Variants in FHOD3 observed in about 807,000 individuals in gnomAD.
FHOD3 encodes formin homology 2 domain containing 3, also known as FH1/FH2 domain-containing protein 3.
In FHOD3, 90 loss-of-function variants were observed where a neutral mutation model predicts 173.0. That is an observed-to-expected ratio of 0.52 (90% CI 0.44 to 0.62). The LOEUF (loss-of-function observed/expected upper bound fraction) is 0.62, where lower values mean the gene tolerates loss of function less well. Ranked by LOEUF, FHOD3 falls within the 20% of genes least tolerant of loss-of-function variation. FHOD3 has a pLI of 0.00. For synonymous variants in FHOD3, 828 were observed against 823.0 expected (o/e 1.01, Z -0.10); for missense variants, 1,945 against 2,034.7 (o/e 0.96, Z 0.85).
intron 1 of FHOD3, among the ~76,000 whole-genome samples, chr18:36,331,419 G>A (rs1207395196): frequency 2.6e-5 from 4 of 152,208 alleles, no homozygotes; most frequent in Admixed American, 2.0e-4. Context: ...GCTGGCCTGA[G>A]CTCCCCACTG....
chr18:36,740,512 G>A (rs1259127435), intron 20 of FHOD3, 144 bp from the exon 21 acceptor site: 2 of 836,196 alleles, frequency 2.4e-6, no homozygotes, highest in Non-Finnish European at 1.8e-6. Context: ...GTTGCTTCAA[G>A]TATATTTGGT....
At chr18:36,727,758 A>G (rs759299815) in intron 19 of FHOD3, among the ~76,000 whole-genome samples, 4 of 152,166 alleles carry the variant, frequency 2.6e-5, no homozygotes, top group Non-Finnish European at 5.9e-5. Flanking sequence ...TGCTTGCTAC[A>G]TGTGGACACT....
chr18:36,481,309 T>G (rs902421652), intron 3 of FHOD3, among the ~76,000 whole-genome samples: 1 of 152,098 alleles, frequency 6.6e-6, no homozygotes, highest in African/African-American at 2.4e-5. Context: ...GCTCTTCAAG[T>G]GAGCCAAAAC....
chr18:36,319,619 G>C (rs1011441462), intron 1 of FHOD3, among the ~76,000 whole-genome samples: 1 of 152,178 alleles, frequency 6.6e-6, no homozygotes, highest in Non-Finnish European at 1.5e-5. Context: ...CTTGAACTCA[G>C]CTCTGGGCCA....
intron 3 of FHOD3, among the ~76,000 whole-genome samples, chr18:36,494,204 G>A (rs903793680): frequency 6.6e-6 from 1 of 152,098 alleles, no homozygotes; most frequent in Non-Finnish European, 1.5e-5. Context: ...GTACTTTTCA[G>A]CACTGATCTT....
At chr18:36,590,152 G>A (rs1408479493) in intron 6 of FHOD3, among the ~76,000 whole-genome samples, 1 of 152,140 alleles carries the variant, frequency 6.6e-6, no homozygotes, top group Non-Finnish European at 1.5e-5. Context: ...CTCAGCAGAC[G>A]TGGGCTGTGA....
At chr18:36,755,722 A>AATC (rs761345928) in intron 25 of FHOD3, among the ~76,000 whole-genome samples, 8 of 152,244 alleles carry the variant, frequency 5.3e-5, no homozygotes, top group Non-Finnish European at 1.0e-4. Flanking sequence ...TCAGAATTTT[A>AATC]ATCATCATAA....
intron 15 of FHOD3, among the ~76,000 whole-genome samples, chr18:36,681,842 G>A (rs2038263844): frequency 6.6e-6 from 1 of 152,112 alleles, no homozygotes; most frequent in African/African-American, 2.4e-5. Flanking sequence ...GTCCTATCCA[G>A]GCCCTCCGGA....
chr18:36,587,620 C>T (rs1319270584), intron 6 of FHOD3, among the ~76,000 whole-genome samples: 1 of 151,994 alleles, frequency 6.6e-6, no homozygotes, highest in Non-Finnish European at 1.5e-5. Context: ...GGAGAAACCC[C>T]ATGTCTACTA....
At chr18:36,645,336 C>T (rs906862908) in intron 10 of FHOD3, among the ~76,000 whole-genome samples, 5 of 152,158 alleles carry the variant, frequency 3.3e-5, no homozygotes, top group Non-Finnish European at 7.4e-5. Context: ...ACGAGAATCA[C>T]TTGAACTCAG....
intron 5 of FHOD3, among the ~76,000 whole-genome samples, chr18:36,550,804 G>C (rs2057621095): frequency 6.6e-6 from 1 of 151,906 alleles, no homozygotes; most frequent in African/African-American, 2.4e-5. Flanking sequence ...TGACTTATTA[G>C]TTCTACTAGC....
At chr18:36,326,033 C>T (rs1047270868) in intron 1 of FHOD3, among the ~76,000 whole-genome samples, 1 of 152,234 alleles carries the variant, frequency 6.6e-6, no homozygotes, top group African/African-American at 2.4e-5. Flanking sequence ...GGGTGTTTAT[C>T]TCTGCAGTGG....
rs568491566 is a variant in FHOD3, at chr18:36,733,901, G to A, written c.3576+3097G>A. Among the ~76,000 whole-genome samples, 4 of 152,322 alleles carry A rather than the reference G, an allele frequency of 2.6e-5. No homozygotes were observed. In the East Asian group the frequency reaches 7.7e-4, roughly 29 times the overall value. On this transcript the variant is annotated intron_variant, in intron 20 of 28. Transcript: ENST00000590592. ...GGCTCCCAAGCCAGTGAGCCAGAGA[G>A]CCGGGGAGCGGGGACACAAGCTCTG...
At chr18:36,773,567 T>A (rs2043491872) in intron 28 of FHOD3, among the ~76,000 whole-genome samples, 5 of 152,214 alleles carry the variant, frequency 3.3e-5, no homozygotes. Flanking sequence ...TTTTGTACGA[T>A]GAAGGCAGTA....
chr18:36,309,106 G>T (rs941365898), intron 1 of FHOD3, among the ~76,000 whole-genome samples: 3 of 152,206 alleles, frequency 2.0e-5, no homozygotes, highest in African/African-American at 7.2e-5. Context: ...GGGGGCTCTC[G>T]TGGGTGGGGT....
intron 17 of FHOD3, among the ~76,000 whole-genome samples, chr18:36,708,687 C>G (rs928984715): frequency 2.0e-5 from 3 of 152,174 alleles, no homozygotes; most frequent in African/African-American, 7.2e-5. Context: ...AGTCCCTGTT[C>G]CTGGTAGGCT....
At chr18:36,655,141 C>T (rs555565747) in intron 13 of FHOD3, among the ~76,000 whole-genome samples, 33 of 148,266 alleles carry the variant, frequency 2.2e-4, no homozygotes, top group African/African-American at 8.0e-4. Flanking sequence ...CTGCAGGTCT[C>T]TTCCAGGTCT....
At chr18:36,556,851 G>A (rs2057907690) in intron 5 of FHOD3, among the ~76,000 whole-genome samples, 1 of 152,162 alleles carries the variant, frequency 6.6e-6, no homozygotes, top group Non-Finnish European at 1.5e-5. Context: ...TCCTTGTAGT[G>A]CAGGTCTGCT....
At chr18:36,337,463 T>C (rs927594344) in intron 1 of FHOD3, among the ~76,000 whole-genome samples, 1 of 152,142 alleles carries the variant, frequency 6.6e-6, no homozygotes, top group African/African-American at 2.4e-5. Context: ...TGGAGGTTTT[T>C]AGGGAATATT....
Sources: allele counts gnomAD v4.1 joint callset (sites outside exome capture counted in the v4.1 genomes callset), GRCh38; gene constraint gnomAD v4.1.1; transcripts MANE v1.5; gene names NCBI Gene and HGNC (gene_info 2026-07-23, HGNC 2026-07-21).